TTLL7: variants seen among roughly 807,000 people sequenced by gnomAD.
TTLL7 encodes tubulin polyglutamylase TTLL7.
Under a neutral mutation model 120.2 loss-of-function variants are expected in TTLL7, and 53 were observed. The observed-to-expected ratio is 0.44, with a 90% CI of 0.35 to 0.55. The LOEUF (loss-of-function observed/expected upper bound fraction) is 0.55. TTLL7 is among the 20% of genes least tolerant of loss of function. TTLL7 has a pLI of 0.00. For synonymous variants in TTLL7, 353 were observed against 351.7 expected (o/e 1.00, Z -0.04); for missense variants, 803 against 1,054.7 (o/e 0.76, Z 3.31).
At chr1:83,898,175 C>G (rs1656411064) in intron 18 of TTLL7, among the ~76,000 whole-genome samples, 1 of 151,874 alleles carries the variant, frequency 6.6e-6, no homozygotes, top group South Asian at 2.1e-4. Flanking sequence ...AATAAATGAT[C>G]AATATGTTAT....
intron 1 of TTLL7, among the ~76,000 whole-genome samples, chr1:83,995,293 T>A (rs1346501939): frequency 6.6e-6 from 1 of 151,948 alleles, no homozygotes; most frequent in Admixed American, 6.6e-5. Flanking sequence ...CCAAATCTCA[T>A]GTTGAATTTT....
At chr1:83,987,325 T>C (rs192862130) in intron 1 of TTLL7, among the ~76,000 whole-genome samples, 380 of 152,096 alleles carry the variant, frequency 2.5e-3, no homozygotes, top group African/African-American at 8.7e-3. Context: ...CTTAAACACC[T>C]GGGGACATGC....
chr1:83,917,016 A>C (rs985015343), intron 14 of TTLL7, among the ~76,000 whole-genome samples: 1 of 151,672 alleles, frequency 6.6e-6, no homozygotes, highest in African/African-American at 2.4e-5. Context: ...CAGGAGGATC[A>C]CTTGAGCCCA....
intron 20 of TTLL7, among the ~76,000 whole-genome samples, chr1:83,875,688 G>A (rs139219200): frequency 6.6e-6 from 1 of 151,912 alleles, no homozygotes; most frequent in African/African-American, 2.4e-5. Context: ...CAGTGATTCT[G>A]ACATTTTGCA....
At chr1:83,895,179 T>G (rs1250319256) in intron 18 of TTLL7, among the ~76,000 whole-genome samples, 1 of 152,122 alleles carries the variant, frequency 6.6e-6, no homozygotes, top group Non-Finnish European at 1.5e-5. Flanking sequence ...GTTTAATTAA[T>G]GGAGACTGTT....
At chr1:83,934,247 G>C (rs1286557889) in intron 8 of TTLL7, among the ~76,000 whole-genome samples, 1 of 152,168 alleles carries the variant, frequency 6.6e-6, no homozygotes, top group Non-Finnish European at 1.5e-5. Flanking sequence ...AGATATTCAA[G>C]TAAATCTACT....
At chr1:83,938,081 G>A (rs2100832979) in intron 7 of TTLL7, 65 bp from the exon 8 acceptor site, 2 of 1,483,312 alleles carry the variant, frequency 1.3e-6, no homozygotes, top group Non-Finnish European at 9.3e-7. Flanking sequence ...AGTTTCAGAG[G>A]AAAAAAAGAC....
At chr1:83,967,389 T>C (rs1327606793) in intron 1 of TTLL7, among the ~76,000 whole-genome samples, 1 of 152,106 alleles carries the variant, frequency 6.6e-6, no homozygotes, top group Non-Finnish European at 1.5e-5. Context: ...AACTTCTGGT[T>C]CAAGGCAGCA....
intron 1 of TTLL7, among the ~76,000 whole-genome samples, chr1:83,962,181 T>C (rs1292252372): frequency 6.6e-6 from 1 of 152,156 alleles, no homozygotes; most frequent in African/African-American, 2.4e-5. Context: ...CCAAATGTCA[T>C]CTGATGCCAG....
intron 18 of TTLL7, among the ~76,000 whole-genome samples, chr1:83,892,889 G>GAA (rs1655834973): frequency 1.9e-5 from 2 of 107,858 alleles, no homozygotes; most frequent in African/African-American, 7.6e-5. Flanking sequence ...AGCAAAAAGA[G>GAA]AGAAAGAGAA....
chr1:83,904,867 T>C (rs1343352534), intron 17 of TTLL7, among the ~76,000 whole-genome samples: 1 of 152,124 alleles, frequency 6.6e-6, no homozygotes, highest in Non-Finnish European at 1.5e-5. Flanking sequence ...TTGTAATATA[T>C]ACTGTAGTAA....
chr1:83,950,037 A>G (rs900979744), intron 3 of TTLL7, 51 bp from the exon 4 acceptor site: 1 of 1,467,192 alleles, frequency 6.8e-7, no homozygotes, highest in Non-Finnish European at 9.3e-7. Flanking sequence ...TCTGAAATAT[A>G]TTCATTGCAG....
At chr1:83,921,873 A>C (rs748281507) in intron 10 of TTLL7, among the ~76,000 whole-genome samples, 1 of 152,032 alleles carries the variant, frequency 6.6e-6, no homozygotes, top group Non-Finnish European at 1.5e-5. Context: ...TCTTTAATAC[A>C]TTTTCATTTC....
chr1:83,929,504 C>T (rs183903606), intron 9 of TTLL7, among the ~76,000 whole-genome samples: 178 of 152,216 alleles, frequency 1.2e-3, no homozygotes, highest in Non-Finnish European at 4.9e-4. Flanking sequence ...CCCTCCATTC[C>T]ACTCTCTCCA....
intron 9 of TTLL7, among the ~76,000 whole-genome samples, chr1:83,931,005 T>C (rs1269818405): frequency 6.6e-6 from 1 of 151,164 alleles, no homozygotes; most frequent in African/African-American, 2.4e-5. Flanking sequence ...TGTTCTTGTT[T>C]TTTTTTTTTT....
At chr1:83,986,146 CA>C (rs1460253602) in intron 1 of TTLL7, among the ~76,000 whole-genome samples, 1 of 152,118 alleles carries the variant, frequency 6.6e-6, no homozygotes, top group East Asian at 1.9e-4. Flanking sequence ...CACTTAGATG[CA>C]AAAATCCTTA....
intron 10 of TTLL7, 145 bp from the exon 11 acceptor site, chr1:83,921,539 T>A: frequency 1.2e-6 from 1 of 837,810 alleles, no homozygotes; most frequent in Non-Finnish European, 1.8e-6. Flanking sequence ...ATTATATTCA[T>A]CTAACCATAC....
chr1:83,883,563 T>A (rs1321705241), intron 19 of TTLL7, among the ~76,000 whole-genome samples: 1 of 151,988 alleles, frequency 6.6e-6, no homozygotes, highest in Non-Finnish European at 1.5e-5. Context: ...GCACTATTAG[T>A]CCTTAAAGCT....
At chr1:83,891,671 C>T (rs1303072821) in intron 18 of TTLL7, among the ~76,000 whole-genome samples, 1 of 152,070 alleles carries the variant, frequency 6.6e-6, no homozygotes, top group Non-Finnish European at 1.5e-5. Flanking sequence ...TCTTCAACAA[C>T]AGGAGATTCA....
Sources: allele counts gnomAD v4.1 joint callset (sites outside exome capture counted in the v4.1 genomes callset), GRCh38; gene constraint gnomAD v4.1.1; transcripts MANE v1.5; gene names NCBI Gene and HGNC (gene_info 2026-07-23, HGNC 2026-07-21).